AK4: variants seen among roughly 807,000 people sequenced by gnomAD.
AK4 encodes the protein adenylate kinase 4, mitochondrial.
In AK4, 13 loss-of-function variants were observed where a neutral mutation model predicts 24.6. The ratio of observed to expected loss-of-function variants is 0.53; its 90% CI spans 0.34 to 0.84. AK4 has a LOEUF of 0.84. Ranked by LOEUF, AK4 falls within the 40% of genes least tolerant of loss-of-function variation. The probability of loss-of-function intolerance (pLI) is 0.01; values close to 1 mark genes in which losing one functional copy is unlikely to be tolerated. For missense variants in AK4, 192 were observed against 288.2 expected (o/e 0.67, Z 2.42); for synonymous variants, 88 against 107.0 (o/e 0.82, Z 1.10).
At chr1:65,150,285 C>CTCTT (rs367583150) in intron 1 of AK4, among the ~76,000 whole-genome samples, 8 of 140,858 alleles carry the variant, frequency 5.7e-5, no homozygotes, top group Non-Finnish European at 9.3e-5. Flanking sequence ...CTCTCTCTCT[C>CTCTT]TTTTTTTTTT....
intron 1 of AK4, among the ~76,000 whole-genome samples, chr1:65,149,990 G>GGTA (rs1649711820): frequency 6.6e-6 from 1 of 152,184 alleles, no homozygotes; most frequent in Non-Finnish European, 1.5e-5. Context: ...GTAGGGGCAT[G>GGTA]GAGTCAGTGA....
chr1:65,207,820 T>G (rs1242035032), intron 2 of AK4, among the ~76,000 whole-genome samples: 2 of 152,070 alleles, frequency 1.3e-5, no homozygotes. Context: ...TTGAGTTAGT[T>G]CTCTTAGGCT....
rs1652623083 is a variant in AK4, at chr1:65,230,914, T to G, written c.*4737T>G. The G allele has an allele frequency of 6.6e-6, 1 of 152,250 alleles. No individual in the cohort carries two copies. Among genetic ancestry groups the G allele is most frequent in the Non-Finnish European group, 1.5e-5 (1 of 68,046 alleles). 9.4% of individuals were successfully genotyped at this position (152,250 alleles called of 1,614,324 possible). A position where few individuals can be genotyped will look rare whatever the true frequency, so the allele number is the denominator to read the frequency against. ...CTGTTTATTACCTTTCATTTGACAG[T>G]GTCTTTCCTTTCTGCAGTTGATTTT... On this transcript the variant is annotated 3_prime_UTR_variant, in exon 5 of 5. Coordinates refer to ENST00000327299, the MANE Select transcript of AK4 (RefSeq NM_013410.4).
chr1:65,218,519 C>G (rs539316994), intron 2 of AK4, among the ~76,000 whole-genome samples: 5 of 152,194 alleles, frequency 3.3e-5, no homozygotes, highest in African/African-American at 4.8e-5. Flanking sequence ...GGTTAAAGCT[C>G]ATTTTTAAAA....
At chr1:65,160,310 T>C (rs1035924207) in intron 1 of AK4, among the ~76,000 whole-genome samples, 15 of 152,210 alleles carry the variant, frequency 9.9e-5, no homozygotes, top group Non-Finnish European at 1.5e-4. Context: ...GCTGGCAGGT[T>C]TGGTGTCTAA....
intron 3 of AK4, among the ~76,000 whole-genome samples, chr1:65,222,462 T>G (rs1183778698): frequency 1.3e-5 from 2 of 152,196 alleles, no homozygotes; most frequent in East Asian, 3.9e-4. Flanking sequence ...AAGTGATTTC[T>G]TCTTAACTCC....
In AK4 at chr1:65,195,821, T is replaced by C. The variant is rs1338254349; in HGVS notation, c.265+4992T>C. ...TTTGGGTGGGGGTGACTATTTGAAG[T>C]GTTCACTTCAAAAATAGCTCTAAAA... On this transcript the variant is annotated intron_variant, in intron 2 of 4. Coordinates refer to ENST00000327299, the MANE Select transcript of AK4 (RefSeq NM_013410.4). Among the ~76,000 whole-genome samples, 4 of 152,204 alleles carry C rather than the reference T, an allele frequency of 2.6e-5. No homozygotes were observed. In the East Asian group the frequency reaches 7.7e-4, roughly 29 times the overall value.
At chr1:65,191,225 A>C (rs1651294941) in intron 2 of AK4, among the ~76,000 whole-genome samples, 1 of 152,178 alleles carries the variant, frequency 6.6e-6, no homozygotes, top group Admixed American at 6.5e-5. Flanking sequence ...AAAATCCTTT[A>C]TTGAGTATGT....
At chr1:65,217,906 AGT>A (rs1381665042) in intron 2 of AK4, among the ~76,000 whole-genome samples, 6 of 152,238 alleles carry the variant, frequency 3.9e-5, no homozygotes, top group Admixed American at 3.9e-4. Flanking sequence ...TTGACAAGTA[AGT>A]GTATATATTT....
rs1652404399 is a variant in AK4, at chr1:65,224,818, G to A, written c.505G>A (p.Ala169Thr). The change falls in exon 4 of 5, where the codon GCC becomes ACC. Residue 169 changes from alanine (A) to threonine (T), a missense_variant. Physicochemically the swap from Ala to Thr is moderately conservative, Grantham distance 58 (BLOSUM62 0). Coordinates refer to ENST00000327299, the MANE Select transcript of AK4 (RefSeq NM_013410.4). ...GGATGATAAACCCGAAGCAGTTGCT[G>A]CCAGGCTAAGACAGTACAAAGACGT... ...QEDDKPEAVAARLRQYKDVAK... is the reference protein window; with the variant it reads ...QEDDKPEAVATRLRQYKDVAK... The A allele has an allele frequency of 6.2e-7, 1 of 1,613,920 alleles. No individual in the cohort carries two copies. The highest frequency in any genetic ancestry group is 1.7e-5 in the Admixed American group (1 of 60,002).
At chr1:65,216,821 A>G (rs544868671) in intron 2 of AK4, among the ~76,000 whole-genome samples, 2 of 144,950 alleles carry the variant, frequency 1.4e-5, no homozygotes, top group Non-Finnish European at 2.9e-5. Context: ...TCAGCTTCCC[A>G]AGTACCTGTA....
chr1:65,199,931 A>G (rs1651611456), intron 2 of AK4, among the ~76,000 whole-genome samples: 1 of 152,180 alleles, frequency 6.6e-6, no homozygotes, highest in Non-Finnish European at 1.5e-5. Flanking sequence ...CCTATTAGAG[A>G]TACTCGTACT....
intron 1 of AK4, among the ~76,000 whole-genome samples, chr1:65,173,296 A>C (rs535145608): frequency 6.6e-6 from 1 of 152,308 alleles, no homozygotes; most frequent in East Asian, 1.9e-4. Context: ...CCTGGGTAAC[A>C]GTCCATGGCA....
chr1:65,201,629 G>A (rs769239451), intron 2 of AK4, among the ~76,000 whole-genome samples: 3 of 152,190 alleles, frequency 2.0e-5, no homozygotes, highest in Non-Finnish European at 4.4e-5. Flanking sequence ...GTCCAGGAGT[G>A]CCGCACAAAT....
rs185251178 is a variant in AK4 at position 65,224,806 on chromosome 1, G to A, written c.493G>A (p.Glu165Lys). 1.4e-5 allele frequency: 22 copies of A among 1,613,936 alleles called. 1 individual carries two copies. Among genetic ancestry groups the A allele is most frequent in the South Asian group, 4.4e-5 (4 of 91,064 alleles). The part of the protein sequence containing the change: ...PLVQQEDDKP[E>K]AVAARLRQYK... ...AGTCCAGCAGGAGGATGATAAACCC[G>A]AAGCAGTTGCTGCCAGGCTAAGACA... The change falls in exon 4 of 5, where the codon GAA (glutamate) becomes AAA (lysine). Residue 165 changes from glutamate (E) to lysine (K), a missense_variant. Transcript: ENST00000327299.
chr1:65,202,587 C>G (rs1651694816), intron 2 of AK4, among the ~76,000 whole-genome samples: 1 of 152,088 alleles, frequency 6.6e-6, no homozygotes, highest in Non-Finnish European at 1.5e-5. Context: ...TGAAATACTT[C>G]AACTCCTAAG....
In AK4 at chr1:65,229,117, C is replaced by T. The variant is rs1392759023; in HGVS notation, c.*2940C>T. 1 of 152,152 alleles carries T rather than the reference C, an allele frequency of 6.6e-6. No individual in the cohort carries two copies. Among genetic ancestry groups the T allele is most frequent in the South Asian group, 2.1e-4 (1 of 4,830 alleles). 9.4% of individuals were successfully genotyped at this position (152,152 alleles called of 1,614,324 possible). A position where few individuals can be genotyped will look rare whatever the true frequency, so the allele number is the denominator to read the frequency against. ...TGCCCAGGCTTCTGCTGCTGGTGAC[C>T]AGTGTAGCCAGGACTCCAGCCCAGG... On this transcript the variant is annotated 3_prime_UTR_variant, in exon 5 of 5. Coordinates refer to ENST00000327299, the MANE Select transcript of AK4 (RefSeq NM_013410.4).
rs532436499 is a variant in AK4, at chr1:65,177,456, A to C, written c.146-13254A>C. 1.4e-4 allele frequency among the ~76,000 whole-genome samples: 21 copies of C among 152,356 alleles called. No homozygotes were observed. The East Asian group carries it at 4.0e-3, about 29-fold the overall frequency. ...ATTTATCTGTGTCACACAGACACCC[A>C]GAGGAGATGGCACAAAGAGAAGCAG... On this transcript the variant is annotated intron_variant, in intron 1 of 4. Transcript: ENST00000327299.
intron 3 of AK4, among the ~76,000 whole-genome samples, chr1:65,220,379 C>G (rs1293538393): frequency 1.3e-5 from 2 of 152,168 alleles, no homozygotes; most frequent in Non-Finnish European, 2.9e-5. Context: ...CATATCATCA[C>G]CAGTATTTAG....
Sources: allele counts gnomAD v4.1 joint callset (sites outside exome capture counted in the v4.1 genomes callset), GRCh38; gene constraint gnomAD v4.1.1; transcripts MANE v1.5; gene names NCBI Gene and HGNC (gene_info 2026-07-23, HGNC 2026-07-21).